ZC2HC1B: variants seen among roughly 807,000 people sequenced by gnomAD.
The protein encoded by ZC2HC1B is zinc finger C2HC domain-containing protein 1B.
A neutral mutation model predicts 31.0 loss-of-function variants in ZC2HC1B; 36 were observed. The observed-to-expected ratio is 1.16, with a 90% CI of 0.89 to 1.54. The LOEUF is 1.54. ZC2HC1B is among the 40% of genes most tolerant of loss of function. The pLI, the probability that ZC2HC1B is intolerant of heterozygous loss-of-function variation, is 0.00. For missense variants in ZC2HC1B, 260 were observed against 268.6 expected (o/e 0.97, Z 0.22); for synonymous variants, 73 against 88.0 (o/e 0.83, Z 0.95).
Position 143,922,361 on chromosome 6 carries a change from T to C in ZC2HC1B, c.599-15288T>C, listed in dbSNP as rs1223625115. Among the ~76,000 whole-genome samples the C allele has an allele frequency of 6.6e-6, 1 of 152,250 alleles. No homozygotes were observed. The highest frequency in any genetic ancestry group is 1.9e-4 in the East Asian group (1 of 5,208). ...CTTCTTTTCCAGTTATTCTGAAATA[T>C]GGAATATATTGTTGTTAACTGCAGT... On this transcript the variant is annotated intron_variant, in intron 6 of 7. Coordinates refer to ENST00000237275, the MANE Select transcript of ZC2HC1B (RefSeq NM_001013623.3). This position sits in a 1 kb window ranked among gnomAD's most constrained non-coding sequence, Gnocchi z 5.0.
chr6:143,874,879 C>T (rs992095838), intron 1 of ZC2HC1B, among the ~76,000 whole-genome samples: 1 of 152,174 alleles, frequency 6.6e-6, no homozygotes, highest in Non-Finnish European at 1.5e-5. Context: ...GTTACCCAGA[C>T]TGCAGTGCAG....
intron 5 of ZC2HC1B, among the ~76,000 whole-genome samples, chr6:143,900,116 G>A (rs747260478): frequency 2.0e-5 from 3 of 152,084 alleles, no homozygotes; most frequent in Non-Finnish European, 4.4e-5. Context: ...GGTGCTGGGT[G>A]TGGTGGCTCA....
chr6:143,873,183 A>G (rs963099537), intron 1 of ZC2HC1B, among the ~76,000 whole-genome samples: 6 of 152,238 alleles, frequency 3.9e-5, no homozygotes, highest in South Asian at 2.1e-4. Context: ...GGGCCCATGC[A>G]AATGTGAAAT....
chr6:143,871,978 A>G lies in ZC2HC1B; in HGVS notation c.28+7411A>G, dbSNP rs1319245100. 6.6e-6 allele frequency among the ~76,000 whole-genome samples: 1 copy of G among 152,186 alleles called. No homozygotes were observed. Among genetic ancestry groups the G allele is most frequent in the African/African-American group, 2.4e-5 (1 of 41,450 alleles). ...CTCCATAAGCCCGTACGTTAACTGG[A>G]GGACCATAATGACGTTTTGGGTCCC... On this transcript the variant is annotated intron_variant, in intron 1 of 7. Transcript: ENST00000237275. The surrounding 1 kb of genome is among the most constrained non-coding windows in gnomAD (Gnocchi z 4.1).
chr6:143,910,106 T>A (rs1777840908), intron 6 of ZC2HC1B, among the ~76,000 whole-genome samples: 1 of 152,248 alleles, frequency 6.6e-6, no homozygotes, highest in Non-Finnish European at 1.5e-5. Flanking sequence ...GTACACTGTA[T>A]CTTTGTTCTC....
rs1270854052 is a variant in ZC2HC1B, at chr6:143,917,222, T to G, written c.598+14070T>G. Among the ~76,000 whole-genome samples the G allele has an allele frequency of 6.6e-6, 1 of 152,198 alleles. No homozygotes were observed. The highest frequency in any genetic ancestry group is 1.5e-5 in the Non-Finnish European group (1 of 68,030). ...TGTCTGCTGCCATGTGAGACGTGCC[T>G]TTCACCTTCCACTGTGATTGTTAGG... On this transcript the variant is annotated intron_variant, in intron 6 of 7. Transcript: ENST00000237275. This position sits in a 1 kb window ranked among gnomAD's most constrained non-coding sequence, Gnocchi z 4.1.
At chr6:143,916,420 C>A (rs1379620868) in intron 6 of ZC2HC1B, among the ~76,000 whole-genome samples, 1 of 152,206 alleles carries the variant, frequency 6.6e-6, no homozygotes, top group Non-Finnish European at 1.5e-5. Flanking sequence ...TCAGAGCCCC[C>A]ACACAGAGTC....
intron 6 of ZC2HC1B, among the ~76,000 whole-genome samples, chr6:143,925,290 G>A (rs553155766): frequency 6.9e-6 from 1 of 144,852 alleles, no homozygotes; most frequent in East Asian, 2.1e-4. Context: ...ATTCTCCTGC[G>A]TCAGCCTCCC....
In ZC2HC1B at chr6:143,884,852, A is replaced by G. The variant is rs1427763980; in HGVS notation, c.90+487A>G. On this transcript the variant is annotated intron_variant, in intron 2 of 7. Coordinates refer to ENST00000237275, the MANE Select transcript of ZC2HC1B (RefSeq NM_001013623.3). This position sits in a 1 kb window ranked among gnomAD's most constrained non-coding sequence, Gnocchi z 5.1. ...CTTCAAATTTGAGGGTTTTTATACC[A>G]TTTGAACAAAATGATACATGGATGT... is the stretch of plus-strand genomic sequence containing the variant. Among the ~76,000 whole-genome samples, 2 of 152,166 alleles carry G rather than the reference A, an allele frequency of 1.3e-5. No individual in the cohort carries two copies. Among genetic ancestry groups the G allele is most frequent in the African/African-American group, 2.4e-5 (1 of 41,442 alleles).
chr6:143,929,724 T>C (rs1041435431), intron 6 of ZC2HC1B, among the ~76,000 whole-genome samples: 4 of 151,946 alleles, frequency 2.6e-5, no homozygotes, highest in African/African-American at 9.7e-5. Flanking sequence ...GTTGTTGTTG[T>C]TATTTGGGGG....
In ZC2HC1B at chr6:143,923,000, C is replaced by T. The variant is rs537291240; in HGVS notation, c.599-14649C>T. On this transcript the variant is annotated intron_variant, in intron 6 of 7. Coordinates refer to ENST00000237275, the MANE Select transcript of ZC2HC1B (RefSeq NM_001013623.3). This position sits in a 1 kb window ranked among gnomAD's most constrained non-coding sequence, Gnocchi z 5.0. ...GTATAATATAGAGTTCCCTTTTCTC[C>T]GCATCCTCACAAGCATCTGTTATTT... 3.8e-4 allele frequency among the ~76,000 whole-genome samples: 58 copies of T among 152,212 alleles called. No homozygotes were observed. Among genetic ancestry groups the T allele is most frequent in the Admixed American group, 2.7e-3 (41 of 15,280 alleles).
chr6:143,877,361 A>C (rs111685014), intron 1 of ZC2HC1B, among the ~76,000 whole-genome samples: 19,554 of 136,664 alleles, frequency 0.14, 2,440 homozygotes, highest in African/African-American at 0.29. Context: ...CAGTTCACCA[A>C]AACCTCCACC....
In ZC2HC1B at chr6:143,903,717, A is replaced by G. The variant is rs918203482; in HGVS notation, c.598+565A>G. ...GCCCTAGTGGGTACCAAAACCTGAG[A>G]TGTTGAAGTCCCTGATATAAAATGG... On this transcript the variant is annotated intron_variant, in intron 6 of 7. Coordinates refer to ENST00000237275, the MANE Select transcript of ZC2HC1B (RefSeq NM_001013623.3). This position sits in a 1 kb window ranked among gnomAD's most constrained non-coding sequence, Gnocchi z 4.3. Among the ~76,000 whole-genome samples, 3 of 152,174 alleles carry G rather than the reference A, an allele frequency of 2.0e-5. No individual in the cohort carries two copies. Among genetic ancestry groups the G allele is most frequent in the African/African-American group, 7.2e-5 (3 of 41,438 alleles).
chr6:143,926,828 CTTTTTTTTTTTTTTT>C (rs774028763), intron 6 of ZC2HC1B, among the ~76,000 whole-genome samples: 1 of 78,834 alleles, frequency 1.3e-5, no homozygotes, highest in Non-Finnish European at 2.5e-5. Context: ...ATTGTATCTT[CTTTTTTTTTTTTTTT>C]TTTTTTTTTT....
At chr6:143,937,959 T>C (rs181930416) in intron 7 of ZC2HC1B, among the ~76,000 whole-genome samples, 183 bp from the exon 8 acceptor site, 1 of 152,240 alleles carries the variant, frequency 6.6e-6, no homozygotes, top group Non-Finnish European at 1.5e-5. Flanking sequence ...TCCCTCACTT[T>C]TGACCTGAAA....
intron 6 of ZC2HC1B, among the ~76,000 whole-genome samples, chr6:143,914,800 T>A (rs1036889769): frequency 5.3e-5 from 8 of 152,158 alleles, no homozygotes; most frequent in African/African-American, 1.7e-4. Flanking sequence ...CTAATATTAG[T>A]GTGGCCACTA....
rs9689400 is a variant in ZC2HC1B at position 143,935,687 on chromosome 6, C to T, written c.599-1962C>T. The stretch of plus-strand genomic sequence containing the variant: ...TTTTTTTTTTTTTGAGACAGGATCT[C>T]TCTGTCGCCCAGGCTATAGTGCAGT... On this transcript the variant is annotated intron_variant, in intron 6 of 7. Transcript: ENST00000237275. 8.5e-3 allele frequency among the ~76,000 whole-genome samples: 862 copies of T among 101,258 alleles called. 9 individuals carry two copies. Among genetic ancestry groups the T allele is most frequent in the African/African-American group, 0.032 (820 of 25,690 alleles). The allele number at this position is 101,258 out of a possible 152,430, so 66.4% of individuals were successfully genotyped here.
At position 143,871,124 on chromosome 6, in the gene ZC2HC1B, A is replaced by G. The variant is rs1014105885; in HGVS notation, c.28+6557A>G. On this transcript the variant is annotated intron_variant, in intron 1 of 7. Coordinates refer to ENST00000237275, the MANE Select transcript of ZC2HC1B (RefSeq NM_001013623.3). This position sits in a 1 kb window ranked among gnomAD's most constrained non-coding sequence, Gnocchi z 4.1. Reference sequence around the variant, plus strand: ...ACAGGACCCATACCACTGGACCCCTAGAAATTTTATTGTGGAAGAAGTTCC... The same window carrying G: ...ACAGGACCCATACCACTGGACCCCTGGAAATTTTATTGTGGAAGAAGTTCC... Among the ~76,000 whole-genome samples, 4 of 152,202 alleles carry G rather than the reference A, an allele frequency of 2.6e-5. No individual in the cohort carries two copies. The highest frequency in any genetic ancestry group is 7.2e-5 in the African/African-American group (3 of 41,454).
At position 143,887,609 on chromosome 6, in the gene ZC2HC1B, G is replaced by A. The variant is rs150911016; in HGVS notation, c.349+788G>A. Among the ~76,000 whole-genome samples, 80 of 151,952 alleles carry A rather than the reference G, an allele frequency of 5.3e-4. No individual in the cohort carries two copies. Among genetic ancestry groups the A allele is most frequent in the East Asian group, 2.5e-3 (13 of 5,158 alleles). ...ACATATTACCTTTTGTTATCTCTTC[G>A]GTCTTTATTAAATCTTGAACAATAT... is the stretch of plus-strand genomic sequence containing the variant. On this transcript the variant is annotated intron_variant, in intron 4 of 7. Transcript: ENST00000237275. This position sits in a 1 kb window ranked among gnomAD's most constrained non-coding sequence, Gnocchi z 5.1.
Sources: gnomAD v4.1 joint callset for allele counts (sites outside exome capture counted in the v4.1 genomes callset) on GRCh38, gnomAD v4.1.1 for gene constraint, Gnocchi (gnomAD v3.1) non-coding constraint, MANE v1.5 for transcripts, NCBI Gene and HGNC (gene_info 2026-07-23, HGNC 2026-07-21) for gene names.